EPHA6: variants seen among roughly 807,000 people sequenced by gnomAD.
The protein encoded by EPHA6 is ephrin type-A receptor 6.
Under a neutral mutation model 112.0 loss-of-function variants are expected in EPHA6, and 50 were observed. The ratio of observed to expected loss-of-function variants is 0.45; its 90% CI spans 0.36 to 0.56. The LOEUF is 0.56. Among genes scored for constraint, EPHA6 ranks in the 20% least tolerant of loss-of-function variants. The pLI is 0.00. For missense variants in EPHA6, 1,280 were observed against 1,417.4 expected, an observed-to-expected ratio of 0.90 and a Z score of 1.56; for synonymous variants, 529 against 490.7, an observed-to-expected ratio of 1.08 and a Z score of -1.03.
At chr3:97,360,866 C>T (rs569561747) in intron 5 of EPHA6, among the ~76,000 whole-genome samples, 8 of 152,142 alleles carry the variant, frequency 5.3e-5, no homozygotes, top group Admixed American at 2.0e-4. Flanking sequence ...CTTTTACTAT[C>T]TCCCCTCATG....
chr3:96,985,924 A>T (rs183283927), intron 2 of EPHA6, among the ~76,000 whole-genome samples: 47 of 152,290 alleles, frequency 3.1e-4, no homozygotes, highest in Non-Finnish European at 4.9e-4. Flanking sequence ...TGCAAACAGA[A>T]TGTGTTAAAT....
intron 2 of EPHA6, among the ~76,000 whole-genome samples, chr3:96,943,489 AGT>A (rs1452512514): frequency 6.6e-6 from 1 of 152,192 alleles, no homozygotes; most frequent in African/African-American, 2.4e-5. Flanking sequence ...TGCTTTTGAA[AGT>A]GTAGTGACTC....
chr3:97,009,938 A>C (rs2044021591), intron 3 of EPHA6: 1 of 504,128 alleles, frequency 2.0e-6, no homozygotes, highest in Non-Finnish European at 3.6e-6. Context: ...TTGATGAGAG[A>C]ACCTGGTTAC....
At chr3:97,117,704 GT>G (rs1232666904) in intron 3 of EPHA6, among the ~76,000 whole-genome samples, 1 of 151,634 alleles carries the variant, frequency 6.6e-6, no homozygotes, top group Non-Finnish European at 1.5e-5. Context: ...GTACCATGCT[GT>G]TTTGATTACT....
chr3:97,402,119 TG>T (rs1249860636), intron 5 of EPHA6, among the ~76,000 whole-genome samples: 1 of 152,084 alleles, frequency 6.6e-6, no homozygotes. Flanking sequence ...GAGAAGAATG[TG>T]TATTCTTCAG....
intron 14 of EPHA6, among the ~76,000 whole-genome samples, chr3:97,682,549 T>C (rs969192800): frequency 2.6e-5 from 4 of 152,104 alleles, no homozygotes; most frequent in Non-Finnish European, 4.4e-5. Flanking sequence ...CATGTCTCAA[T>C]TTCCTCCATA....
chr3:97,253,666 G>A (rs1470368663), intron 5 of EPHA6, among the ~76,000 whole-genome samples: 1 of 152,018 alleles, frequency 6.6e-6, no homozygotes, highest in Non-Finnish European at 1.5e-5. Flanking sequence ...AAATAGAAAT[G>A]TGCTTTATGT....
At position 97,679,564 on chromosome 3, in the gene EPHA6, G is replaced by A. The variant is rs764927965; in HGVS notation, c.2785-40697G>A. Among the ~76,000 whole-genome samples the A allele has an allele frequency of 2.6e-5, 4 of 151,988 alleles. No individual in the cohort carries two copies. In the South Asian group the frequency reaches 6.2e-4, roughly 24 times the overall value. ...ATGCTTAATGAAAGAATCATTAACG[G>A]GAATATAATTAGATGTTTAATTCAG... On this transcript the variant is annotated intron_variant, in intron 14 of 17. Transcript: ENST00000389672.
At chr3:97,512,260 A>G (rs895481602) in intron 10 of EPHA6, among the ~76,000 whole-genome samples, 3 of 152,164 alleles carry the variant, frequency 2.0e-5, no homozygotes, top group Admixed American at 6.5e-5. Flanking sequence ...TTACAGAGGT[A>G]TTAGTAATTA....
At chr3:97,125,343 G>A (rs2048154245) in intron 3 of EPHA6, among the ~76,000 whole-genome samples, 2 of 152,124 alleles carry the variant, frequency 1.3e-5, no homozygotes, top group Admixed American at 6.6e-5. Flanking sequence ...TTCTATAGAA[G>A]CAGCTCACTC....
intron 3 of EPHA6, among the ~76,000 whole-genome samples, chr3:97,038,209 T>G (rs1046331183): frequency 3.9e-5 from 6 of 151,984 alleles, no homozygotes; most frequent in Admixed American, 3.3e-4. Context: ...AATATATTAT[T>G]GTTAGCTATA....
intron 11 of EPHA6, chr3:97,559,788 A>G (rs1308017764): frequency 8.8e-6 from 3 of 342,668 alleles, no homozygotes. Flanking sequence ...CTGCCAGCCA[A>G]CAGCCCTTAG....
intron 12 of EPHA6, among the ~76,000 whole-genome samples, chr3:97,601,392 C>T (rs193021871): frequency 6.6e-6 from 1 of 152,226 alleles, no homozygotes; most frequent in Admixed American, 6.5e-5. Flanking sequence ...GTCTATTCCT[C>T]TCCAGAGAGC....
chr3:97,545,638 T>C (rs912742651), intron 11 of EPHA6, among the ~76,000 whole-genome samples: 1 of 152,172 alleles, frequency 6.6e-6, no homozygotes, highest in Non-Finnish European at 1.5e-5. Flanking sequence ...TTCTGTCTCG[T>C]TTATCTGTCT....
intron 3 of EPHA6, among the ~76,000 whole-genome samples, chr3:97,037,969 G>A (rs948260596): frequency 4.6e-5 from 7 of 151,690 alleles, no homozygotes; most frequent in African/African-American, 1.4e-4. Context: ...TTGTAGTGAG[G>A]CATTTATTTA....
chr3:96,831,065 T>G (rs1333516212), intron 1 of EPHA6, among the ~76,000 whole-genome samples: 1 of 152,154 alleles, frequency 6.6e-6, no homozygotes, highest in Non-Finnish European at 1.5e-5. Context: ...AGAAAAATAA[T>G]TGCTTTCCCT....
chr3:97,221,386 A>T (rs557354592), intron 3 of EPHA6, among the ~76,000 whole-genome samples: 26 of 151,982 alleles, frequency 1.7e-4, no homozygotes, highest in African/African-American at 4.8e-4. Flanking sequence ...AAAGGAAAAA[A>T]TAATAGAAAC....
intron 7 of EPHA6, among the ~76,000 whole-genome samples, chr3:97,463,117 A>G (rs1251040617): frequency 6.6e-6 from 1 of 152,164 alleles, no homozygotes; most frequent in East Asian, 1.9e-4. Flanking sequence ...AATTATTATT[A>G]TACTTTAAGT....
chr3:97,532,554 G>A lies in EPHA6; in HGVS notation c.2386+11G>A, dbSNP rs769188909. ...GGGTTGTCACCAAAAGTAAGTTACT[G>A]AGTTTCTTCATTACTTCTTTCACAC... On this transcript the variant is annotated intron_variant, in intron 11 of 17. Coordinates refer to ENST00000389672, the MANE Select transcript of EPHA6 (RefSeq NM_001080448.3). The A allele has an allele frequency of 3.2e-6, 5 of 1,580,258 alleles. No homozygotes were observed. The highest frequency in any genetic ancestry group is 4.3e-6 in the Non-Finnish European group (5 of 1,165,652).
Sources: gnomAD v4.1 joint callset for allele counts (sites outside exome capture counted in the v4.1 genomes callset) on GRCh38, gnomAD v4.1.1 for gene constraint, MANE v1.5 for transcripts, NCBI Gene and HGNC (gene_info 2026-07-23, HGNC 2026-07-21) for gene names.